ARID5B: variants seen among roughly 807,000 people sequenced by gnomAD.
The protein encoded by ARID5B is AT-rich interactive domain-containing protein 5B.
ARID5B carries 13 observed loss-of-function variants against 97.2 expected under a neutral mutation model. The ratio of observed to expected loss-of-function variants is 0.13; its 90% CI spans 0.09 to 0.21. The LOEUF is 0.21. Ranked by LOEUF, ARID5B falls within the 10% of genes least tolerant of loss-of-function variation. The pLI is 1.00. For synonymous variants in ARID5B, 556 were observed against 570.3 expected, an observed-to-expected ratio of 0.97 and a Z score of 0.36; for missense variants, 1,210 against 1,465.3, an observed-to-expected ratio of 0.83 and a Z score of 2.84.
In ARID5B at chr10:62,095,332, A is replaced by G. The variant is rs927357334; in HGVS notation, c.*2302A>G. Reference sequence around the variant, plus strand: ...AAACTTCGGTGGTTCTGCAGCAGACATGGGCTAGGTCATATGTGGTTTCTA... The same window carrying G: ...AAACTTCGGTGGTTCTGCAGCAGACGTGGGCTAGGTCATATGTGGTTTCTA... On this transcript the variant is annotated 3_prime_UTR_variant, in exon 10 of 10. Coordinates refer to ENST00000279873, the MANE Select transcript of ARID5B (RefSeq NM_032199.3). 4 of 231,790 alleles carry G rather than the reference A, an allele frequency of 1.7e-5. No homozygotes were observed. The highest frequency in any genetic ancestry group is 3.4e-5 in the Non-Finnish European group (4 of 117,186). 14.4% of individuals were successfully genotyped at this position (231,790 alleles called of 1,614,324 possible).
intron 2 of ARID5B, among the ~76,000 whole-genome samples, chr10:61,934,906 G>T (rs190867662): frequency 2.0e-5 from 3 of 151,852 alleles, no homozygotes; most frequent in Admixed American, 2.0e-4. Flanking sequence ...CCAGCTACTC[G>T]GGAGGCTGAG....
chr10:62,026,252 G>GC (rs2132897766), intron 4 of ARID5B, among the ~76,000 whole-genome samples: 1 of 152,344 alleles, frequency 6.6e-6, no homozygotes, highest in Non-Finnish European at 1.5e-5. Flanking sequence ...CATCCTGAGA[G>GC]CTCATGTGGT....
chr10:61,940,036 A>G, intron 2 of ARID5B, 147 bp from the exon 3 acceptor site: 1 of 650,304 alleles, frequency 1.5e-6, no homozygotes. Context: ...GAGTTACTAA[A>G]GATTCTGTGT....
intron 3 of ARID5B, among the ~76,000 whole-genome samples, chr10:61,958,964 T>A (rs1385219040): frequency 6.6e-6 from 1 of 152,388 alleles, no homozygotes; most frequent in East Asian, 1.9e-4. Context: ...TTCATAATTA[T>A]GAAGACTGTC....
chr10:61,934,314 C>T (rs1207848678), intron 2 of ARID5B, among the ~76,000 whole-genome samples: 2 of 152,170 alleles, frequency 1.3e-5, no homozygotes, highest in Non-Finnish European at 2.9e-5. Context: ...GTCTGTTTTG[C>T]CTTCTTATCA....
intron 3 of ARID5B, among the ~76,000 whole-genome samples, chr10:61,993,986 G>A (rs1303116946): frequency 1.3e-5 from 2 of 151,782 alleles, no homozygotes; most frequent in Non-Finnish European, 2.9e-5. Flanking sequence ...AAAAAAAAAA[G>A]GAGAAAGAAA....
chr10:61,995,636 TC>T (rs573643057), intron 3 of ARID5B, among the ~76,000 whole-genome samples: 260 of 151,996 alleles, frequency 1.7e-3, no homozygotes, highest in Non-Finnish European at 2.1e-3. Context: ...CCATATTTTG[TC>T]TTGAGGAAAA....
At chr10:61,984,724 T>C (rs1838823570) in intron 3 of ARID5B, among the ~76,000 whole-genome samples, 1 of 152,216 alleles carries the variant, frequency 6.6e-6, no homozygotes, top group South Asian at 2.1e-4. Flanking sequence ...AGAAAACCCA[T>C]AGCATTGCCA....
chr10:61,948,244 G>A lies in ARID5B; in HGVS notation c.502+7836G>A, dbSNP rs143576632. Among the ~76,000 whole-genome samples, 547 of 152,156 alleles carry A rather than the reference G, an allele frequency of 3.6e-3. 5 individuals are homozygous for A. Among genetic ancestry groups the A allele is most frequent in the African/African-American group, 0.013 (525 of 41,520 alleles). ...TCTTTATAGAATTGTCAGGCTGGAA[G>A]GGGCCTTCATGAACATTGTTTTCTC... On this transcript the variant is annotated intron_variant, in intron 3 of 9. Coordinates refer to ENST00000279873, the MANE Select transcript of ARID5B (RefSeq NM_032199.3).
At chr10:62,037,026 C>T (rs1351424703) in intron 4 of ARID5B, among the ~76,000 whole-genome samples, 3 of 152,178 alleles carry the variant, frequency 2.0e-5, no homozygotes, top group Non-Finnish European at 2.9e-5. Context: ...AACCGCTTTC[C>T]ACAATTTGTC....
At chr10:62,002,563 C>T (rs924496335) in intron 4 of ARID5B, among the ~76,000 whole-genome samples, 4 of 152,136 alleles carry the variant, frequency 2.6e-5, no homozygotes, top group Non-Finnish European at 4.4e-5. Context: ...TCACTAACAT[C>T]CCTCCCCACC....
chr10:62,057,952 A>AT (rs1839878024), intron 6 of ARID5B, among the ~76,000 whole-genome samples: 1 of 152,136 alleles, frequency 6.6e-6, no homozygotes, highest in South Asian at 2.1e-4. Context: ...TCCTGCCTTG[A>AT]TTTTGCAACC....
At chr10:61,930,940 C>A (rs912297530) in intron 2 of ARID5B, among the ~76,000 whole-genome samples, 1 of 152,068 alleles carries the variant, frequency 6.6e-6, no homozygotes, top group Admixed American at 6.6e-5. Context: ...CCAGGAGTCT[C>A]ATGGCTTCTG....
intron 4 of ARID5B, among the ~76,000 whole-genome samples, chr10:62,006,218 G>A (rs954392965): frequency 6.6e-6 from 1 of 152,122 alleles, no homozygotes; most frequent in Non-Finnish European, 1.5e-5. Flanking sequence ...GAGGCAGGTG[G>A]ATCACCAGAG....
intron 7 of ARID5B, among the ~76,000 whole-genome samples, chr10:62,059,597 C>T (rs548139456): frequency 1.3e-5 from 2 of 152,250 alleles, no homozygotes; most frequent in South Asian, 4.1e-4. Flanking sequence ...GTACAACAAG[C>T]CAAGATTGCA....
intron 2 of ARID5B, among the ~76,000 whole-genome samples, chr10:61,904,893 T>A (rs939734660): frequency 2.0e-5 from 3 of 152,210 alleles, no homozygotes; most frequent in Non-Finnish European, 4.4e-5. Context: ...ACCCTGGTGA[T>A]GTCATTTCCC....
chr10:62,004,572 G>A (rs1839122582), intron 4 of ARID5B, among the ~76,000 whole-genome samples: 1 of 152,092 alleles, frequency 6.6e-6, no homozygotes, highest in Non-Finnish European at 1.5e-5. Context: ...AGAATAGCCT[G>A]GAGAATCAAG....
At chr10:62,081,082 C>G (rs1469326955) in intron 8 of ARID5B, among the ~76,000 whole-genome samples, 3 of 152,150 alleles carry the variant, frequency 2.0e-5, no homozygotes, top group Admixed American at 6.5e-5. Flanking sequence ...GGATTACAGG[C>G]GTGAGCTACC....
At chr10:61,952,769 G>C (rs548900590) in intron 3 of ARID5B, among the ~76,000 whole-genome samples, 1 of 152,190 alleles carries the variant, frequency 6.6e-6, no homozygotes, top group East Asian at 1.9e-4. Context: ...ACTCATTCTA[G>C]AAAACACATT....
Sources: allele counts gnomAD v4.1 joint callset (sites outside exome capture counted in the v4.1 genomes callset), GRCh38; gene constraint gnomAD v4.1.1; transcripts MANE v1.5; gene names NCBI Gene and HGNC (gene_info 2026-07-23, HGNC 2026-07-21).